The following TBC1D30 variants were observed in gnomAD, a reference collection of about 807,000 sequenced individuals.
TBC1D30 encodes the protein TBC1 domain family, member 30.
TBC1D30 carries 31 observed loss-of-function variants against 63.2 expected under a neutral mutation model. That is an observed-to-expected ratio of 0.49 (90% confidence interval 0.37 to 0.66). The LOEUF is 0.66. TBC1D30 is among the 30% of genes least tolerant of loss of function. TBC1D30 has a pLI of 0.00. For missense variants in TBC1D30, 810 were observed against 953.6 expected, an observed-to-expected ratio of 0.85 and a Z score of 1.98; for synonymous variants, 307 against 361.5, an observed-to-expected ratio of 0.85 and a Z score of 1.71.
intron 8 of TBC1D30, among the ~76,000 whole-genome samples, chr12:64,853,939 C>T (rs1394805729): frequency 2.6e-5 from 4 of 152,200 alleles, no homozygotes; most frequent in African/African-American, 7.2e-5. Flanking sequence ...TCTATTCAGC[C>T]ATCTTGCCAG....
chr12:64,871,534 G>A (rs144130408), intron 11 of TBC1D30, among the ~76,000 whole-genome samples: 10 of 152,322 alleles, frequency 6.6e-5, no homozygotes, highest in African/African-American at 2.4e-4. Context: ...ATGTGAGCAT[G>A]TGACTGATCC....
At position 64,870,825 on chromosome 12, in the gene TBC1D30, T is replaced by C. The variant is rs1484313416; in HGVS notation, c.1498+17T>C. The C allele has an allele frequency of 1.3e-6, 2 of 1,534,602 alleles. No individual in the cohort carries two copies. The highest frequency in any genetic ancestry group is 1.2e-5 in the South Asian group (1 of 84,020). ...TCAGGGCAGGTAATGTGATTCTTCA[T>C]TTGAATCAATTTCAGCTCTATCTCA... On this transcript the variant is annotated intron_variant, in intron 11 of 11. Coordinates refer to ENST00000539867, the MANE Select transcript of TBC1D30 (RefSeq NM_015279.2).
chr12:64,820,282 C>T (rs1387170042), upstream of TBC1D30, among the ~76,000 whole-genome samples: 1 of 152,168 alleles, frequency 6.6e-6, no homozygotes, highest in African/African-American at 2.4e-5. Context: ...TGACTTCTTC[C>T]CCCTTCTCCC....
intron 8 of TBC1D30, among the ~76,000 whole-genome samples, chr12:64,857,809 C>G (rs954680588): frequency 1.3e-5 from 2 of 152,244 alleles, no homozygotes. Flanking sequence ...AGGTCTGGTT[C>G]AAATGCCCCC....
intron 1 of TBC1D30, among the ~76,000 whole-genome samples, chr12:64,781,948 C>A (rs1477702194): frequency 6.6e-6 from 1 of 151,704 alleles, no homozygotes; most frequent in Non-Finnish European, 1.5e-5. Flanking sequence ...AATTTAACTG[C>A]TGGTACCTTC....
chr12:64,835,786 C>T (rs1003278185), intron 5 of TBC1D30, among the ~76,000 whole-genome samples: 5 of 152,034 alleles, frequency 3.3e-5, no homozygotes, highest in Non-Finnish European at 7.4e-5. Context: ...TGGGAAAGAA[C>T]CAGGGATTGA....
upstream of TBC1D30, among the ~76,000 whole-genome samples, chr12:64,777,640 C>T (rs775393471): frequency 3.9e-5 from 6 of 152,230 alleles, no homozygotes; most frequent in Non-Finnish European, 8.8e-5. Context: ...ATTCCATGCT[C>T]ATGGATAGGA....
chr12:64,765,053 T>C (rs137991921), intron 1 of TBC1D30, among the ~76,000 whole-genome samples: 26 of 152,278 alleles, frequency 1.7e-4, no homozygotes, highest in Non-Finnish European at 2.8e-4. Flanking sequence ...GAAACAAAGC[T>C]TGGGTACAGC....
intron 1 of TBC1D30, among the ~76,000 whole-genome samples, chr12:64,766,623 T>G (rs1002025515): frequency 1.5e-4 from 23 of 152,162 alleles, no homozygotes; most frequent in Non-Finnish European, 1.6e-4. Context: ...CCACTTTCAA[T>G]AATGGATAGA....
intron 2 of TBC1D30, among the ~76,000 whole-genome samples, chr12:64,808,045 T>C: frequency 6.7e-6 from 1 of 149,504 alleles, no homozygotes; most frequent in East Asian, 2.1e-4. Context: ...CATGAGCCAC[T>C]ATGCCCAGCC....
intron 2 of TBC1D30, among the ~76,000 whole-genome samples, chr12:64,786,315 T>C (rs905866707): frequency 1.3e-5 from 2 of 150,400 alleles, no homozygotes; most frequent in Non-Finnish European, 2.9e-5. Flanking sequence ...TGAATGATGA[T>C]TACAATTTTA....
chr12:64,878,735 C>T lies in TBC1D30; in HGVS notation c.*2947C>T. The T allele has an allele frequency of 2.8e-6, 1 of 351,962 alleles. No homozygotes were observed. Among genetic ancestry groups the T allele is most frequent in the Non-Finnish European group, 5.6e-6 (1 of 178,436 alleles). The allele number at this position is 351,962 out of a possible 1,614,324, so 21.8% of individuals were successfully genotyped here. On this transcript the variant is annotated 3_prime_UTR_variant, in exon 12 of 12. Coordinates refer to ENST00000539867, the MANE Select transcript of TBC1D30 (RefSeq NM_015279.2). ...CCCCCAACCCCAGACCCCCCTTGGT[C>T]ACATGAACCAGGGAAACAGCCCAAT...
chr12:64,801,590 A>C (rs1460486499), intron 2 of TBC1D30, among the ~76,000 whole-genome samples: 1 of 152,070 alleles, frequency 6.6e-6, no homozygotes, highest in Non-Finnish European at 1.5e-5. Flanking sequence ...ATCTAGTGCC[A>C]CCTCCTGTTG....
At chr12:64,804,599 C>T (rs2136321060) in intron 2 of TBC1D30, among the ~76,000 whole-genome samples, 1 of 152,222 alleles carries the variant, frequency 6.6e-6, no homozygotes, top group Middle Eastern at 3.4e-3. Context: ...AGTTTTTGCC[C>T]ATTCAGTATG....
chr12:64,759,585 G>A (rs1304773357), exon 1 of TBC1D30: 1 of 411,692 alleles, frequency 2.4e-6, no homozygotes, highest in South Asian at 3.9e-5. Context: ...AGAAAAGGGC[G>A]GAGAACCGGA....
intron 7 of TBC1D30, among the ~76,000 whole-genome samples, chr12:64,839,644 C>T (rs1040386339): frequency 6.6e-6 from 1 of 152,124 alleles, no homozygotes; most frequent in Non-Finnish European, 1.5e-5. Flanking sequence ...TTTTAACTAG[C>T]CTTTGTATTT....
chr12:64,853,964 A>G (rs1877091504), intron 8 of TBC1D30, among the ~76,000 whole-genome samples: 1 of 152,212 alleles, frequency 6.6e-6, no homozygotes, highest in African/African-American at 2.4e-5. Flanking sequence ...CTGAGTCTAT[A>G]TGTATCTTTA....
rs1040000830 is a variant in TBC1D30, at chr12:64,876,489, A to C, written c.*701A>C. ...ACAGGACACACTTGGCATATGCTTTACGCAGTTGCTCCGGACAGCTTGCTC... is the reference window on the plus strand; with the variant it reads ...ACAGGACACACTTGGCATATGCTTTCCGCAGTTGCTCCGGACAGCTTGCTC... On this transcript the variant is annotated 3_prime_UTR_variant, in exon 12 of 12. Transcript: ENST00000539867. The C allele has an allele frequency of 3.7e-6, 1 of 269,392 alleles. No homozygotes were observed. Among genetic ancestry groups the C allele is most frequent in the Admixed American group, 4.5e-5 (1 of 22,358 alleles). The allele number at this position is 269,392 out of a possible 1,614,324, so 16.7% of individuals were successfully genotyped here.
intron 8 of TBC1D30, among the ~76,000 whole-genome samples, chr12:64,860,136 G>A (rs1467334801): frequency 2.0e-5 from 3 of 150,988 alleles, no homozygotes; most frequent in African/African-American, 7.3e-5. Flanking sequence ...TCCCACCTCA[G>A]CCCCCCAAGT....
Sources: gnomAD v4.1 joint callset for allele counts (sites outside exome capture counted in the v4.1 genomes callset) on GRCh38, gnomAD v4.1.1 for gene constraint, MANE v1.5 for transcripts, NCBI Gene and HGNC (gene_info 2026-07-23, HGNC 2026-07-21) for gene names.